The following LAMC3 variants were observed in gnomAD, a reference collection of about 807,000 sequenced individuals.
LAMC3 encodes the protein laminin subunit gamma-3.
LAMC3 carries 128 observed loss-of-function variants against 173.8 expected under a neutral mutation model. That is an observed-to-expected ratio of 0.74 (90% CI 0.64 to 0.85). The LOEUF (loss-of-function observed/expected upper bound fraction) is 0.85. Among genes scored for constraint, LAMC3 ranks in the 40% least tolerant of loss-of-function variants. The probability of loss-of-function intolerance (pLI) is 0.00; values close to 1 mark genes in which losing one functional copy is unlikely to be tolerated. For synonymous variants in LAMC3, 897 were observed against 909.1 expected, an observed-to-expected ratio of 0.99 and a Z score of 0.24; for missense variants, 2,022 against 2,156.0, an observed-to-expected ratio of 0.94 and a Z score of 1.23.
rs150176088 is a variant in LAMC3, at chr9:131,016,348, T to C, written c.373+6761T>C. ...GATGGTGGTGAAGGTTGCACAACAA[T>C]GTGAGCTGTGCAAATGGGTAAGATG... is the stretch of plus-strand genomic sequence containing the variant. On this transcript the variant is annotated intron_variant, in intron 1 of 27. Coordinates refer to ENST00000361069, the MANE Select transcript of LAMC3 (RefSeq NM_006059.4). Among the ~76,000 whole-genome samples the C allele has an allele frequency of 6.7e-4, 102 of 152,242 alleles. 1 individual carries two copies. The highest frequency in any genetic ancestry group is 2.2e-3 in the African/African-American group (91 of 41,544).
intron 24 of LAMC3, among the ~76,000 whole-genome samples, chr9:131,083,836 GACTTTT>G (rs899272535): frequency 3.2e-5 from 4 of 125,260 alleles, no homozygotes; most frequent in Non-Finnish European, 6.9e-5. Flanking sequence ...TTTAAAAATT[GACTTTT>G]ACTTTGTCCA....
chr9:131,012,989 G>A, intron 1 of LAMC3, among the ~76,000 whole-genome samples: 1 of 152,260 alleles, frequency 6.6e-6, no homozygotes, highest in East Asian at 1.9e-4. Flanking sequence ...CACCACCAAG[G>A]CCCAGGGAGG....
chr9:131,060,925 G>T (rs1829795423), intron 12 of LAMC3, 110 bp from the exon 13 acceptor site: 3 of 1,105,152 alleles, frequency 2.7e-6, no homozygotes, highest in Non-Finnish European at 1.4e-6. Flanking sequence ...GCCTGGGAAA[G>T]GTCCCCACCC....
At chr9:131,034,585 C>G (rs1457543184) in intron 3 of LAMC3, among the ~76,000 whole-genome samples, 1 of 152,254 alleles carries the variant, frequency 6.6e-6, no homozygotes, top group African/African-American at 2.4e-5. Flanking sequence ...TCAGCTCCAG[C>G]TCAGCCACTT....
At chr9:131,037,847 A>G (rs1403168138) in intron 4 of LAMC3, among the ~76,000 whole-genome samples, 1 of 152,060 alleles carries the variant, frequency 6.6e-6, no homozygotes, top group African/African-American at 2.4e-5. Flanking sequence ...AAACCTTCCC[A>G]CGGCTCCCCC....
At chr9:131,014,649 G>C (rs1014074396) in intron 1 of LAMC3, among the ~76,000 whole-genome samples, 1 of 152,240 alleles carries the variant, frequency 6.6e-6, no homozygotes, top group African/African-American at 2.4e-5. Flanking sequence ...GCTGGGTAAA[G>C]GTTGGTCAGG....
chr9:131,054,202 A>G (rs1015630977), intron 11 of LAMC3, among the ~76,000 whole-genome samples: 7 of 152,114 alleles, frequency 4.6e-5, no homozygotes, highest in African/African-American at 1.7e-4. Flanking sequence ...GACAACCAAC[A>G]TGTCCTCAGA....
At chr9:131,028,802 A>G (rs1261496241) in intron 2 of LAMC3, among the ~76,000 whole-genome samples, 1 of 152,240 alleles carries the variant, frequency 6.6e-6, no homozygotes, top group Non-Finnish European at 1.5e-5. Flanking sequence ...GAGTACTGCC[A>G]ACTTTGAAGG....
Position 131,069,823 on chromosome 9 carries a change from G to A in LAMC3, c.3042G>A (p.Pro1014=), listed in dbSNP as rs150155891. Residue 1014 remains proline, a synonymous_variant, in exon 17 of 28, where the codon CCG becomes CCA. Transcript: ENST00000361069. ...ACGGCACACACTGCCAGCAATGTCC[G>A]TCCTGCTACGCCCTGGTGAAGGAGG... is the stretch of plus-strand genomic sequence containing the variant. ...TADGTHCQQC[P]SCYALVKEEA... 76 of 1,592,502 alleles carry A rather than the reference G, an allele frequency of 4.8e-5. No individual in the cohort carries two copies. Among genetic ancestry groups the A allele is most frequent in the South Asian group, 4.6e-4 (40 of 87,842 alleles).
At chr9:131,056,519 G>C (rs1486058832) in intron 11 of LAMC3, among the ~76,000 whole-genome samples, 2 of 140,830 alleles carry the variant, frequency 1.4e-5, no homozygotes, top group Non-Finnish European at 3.1e-5. Context: ...AAATCAACCA[G>C]CGCAGTGGCT....
chr9:131,039,265 G>T lies in LAMC3; in HGVS notation c.1283+17G>T. Reference sequence around the variant, plus strand: ...AGGCTGCAGGTGAGGGCGAGGGGCGGCCCAGTATGGACACATTGCACTGAA... The same window carrying T: ...AGGCTGCAGGTGAGGGCGAGGGGCGTCCCAGTATGGACACATTGCACTGAA... On this transcript the variant is annotated intron_variant, in intron 6 of 27. Coordinates refer to ENST00000361069, the MANE Select transcript of LAMC3 (RefSeq NM_006059.4). The T allele has an allele frequency of 1.3e-6, 2 of 1,583,752 alleles. No individual in the cohort carries two copies. Among genetic ancestry groups the T allele is most frequent in the Non-Finnish European group, 1.7e-6 (2 of 1,164,226 alleles).
intron 13 of LAMC3, among the ~76,000 whole-genome samples, chr9:131,064,927 G>A (rs1381342185): frequency 6.7e-6 from 1 of 150,372 alleles, no homozygotes; most frequent in African/African-American, 2.4e-5. Flanking sequence ...TGTAATCCCA[G>A]ATACTCGCGA....
Position 131,092,602 on chromosome 9 carries a change from C to T in LAMC3, c.*815C>T, listed in dbSNP as rs1437304702. 6.6e-6 allele frequency: 1 copy of T among 152,350 alleles called. No individual in the cohort carries two copies. The highest frequency in any genetic ancestry group is 2.4e-5 in the African/African-American group (1 of 41,472). 9.4% of individuals were successfully genotyped at this position (152,350 alleles called of 1,614,324 possible). A position where few individuals can be genotyped will look rare whatever the true frequency, so the allele number is the denominator to read the frequency against. ...AGATGCCCTGAGGGAATGGCCCACC[C>T]TGGCCTGTACCCACTTCAGCCTGTG... On this transcript the variant is annotated 3_prime_UTR_variant, in exon 28 of 28. Coordinates refer to ENST00000361069, the MANE Select transcript of LAMC3 (RefSeq NM_006059.4).
chr9:131,069,759 A>C lies in LAMC3; in HGVS notation c.2978A>C (p.Lys993Thr). Residue 993 changes from lysine (K) to threonine (T), a missense_variant, in exon 17 of 28, where the codon AAA becomes ACA. Physicochemically the swap from Lys to Thr is moderately conservative, Grantham distance 78. Transcript: ENST00000361069. ...CVCRPGFEGY[K>T]CDRCHDNFFL... Reference sequence around the variant, plus strand: ...TGCAGGCCTGGCTTCGAGGGCTACAAATGTGACCGCTGCCACGACAACTTC... The same window carrying C: ...TGCAGGCCTGGCTTCGAGGGCTACACATGTGACCGCTGCCACGACAACTTC... The C allele has an allele frequency of 1.3e-6, 2 of 1,598,378 alleles. No individual in the cohort carries two copies. The highest frequency in any genetic ancestry group is 1.7e-6 in the Non-Finnish European group (2 of 1,173,070).
At chr9:131,082,311 C>T (rs1830255940) in intron 24 of LAMC3, 150 bp downstream of exon 24, 3 of 687,732 alleles carry the variant, frequency 4.4e-6, no homozygotes, top group Non-Finnish European at 8.0e-6. Flanking sequence ...CTCCACCTCT[C>T]AGGATCCTGC....
Position 131,009,450 on chromosome 9 carries a change from C to T in LAMC3, c.236C>T (p.Ala79Val), listed in dbSNP as rs772194826. 2.0e-4 allele frequency: 317 copies of T among 1,547,042 alleles called. No homozygotes were observed. Among genetic ancestry groups the T allele is most frequent in the Non-Finnish European group, 2.6e-4 (294 of 1,146,412 alleles). Residue 79 changes from alanine (A) to valine (V), a missense_variant, in exon 1 of 28, where the codon GCC becomes GTC. Ala to Val is a moderately conservative substitution (Grantham distance 64). Transcript: ENST00000361069. The surrounding 1 kb of genome is among the most constrained non-coding windows in gnomAD (Gnocchi z 4.3). ...GGGGCTCATTGCCAGCGCTGCGACG[C>T]CGCCGACCCCCAGCGCCACCACAAC... Reference protein sequence around the residue: ...GAGAHCQRCDAADPQRHHNAS... With the variant: ...GAGAHCQRCDVADPQRHHNAS...
rs527388604 is a variant in LAMC3, at chr9:131,069,731, G to C, written c.2950G>C (p.Val984Leu). Residue 984 changes from valine (V) to leucine (L), a missense_variant, in exon 17 of 28, where the codon GTG (valine) becomes CTG (leucine). By Grantham distance (32) the Val-to-Leu change is conservative (BLOSUM62 1). Coordinates refer to ENST00000361069, the MANE Select transcript of LAMC3 (RefSeq NM_006059.4). ...CCAGTGCCACGAGAACGGCACATGC[G>C]TGTGCAGGCCTGGCTTCGAGGGCTA... is the stretch of plus-strand genomic sequence containing the variant. ...SAQCHENGTC[V>L]CRPGFEGYKC... 26 of 1,602,486 alleles carry C rather than the reference G, an allele frequency of 1.6e-5. No individual in the cohort carries two copies. The highest frequency in any genetic ancestry group is 2.2e-5 in the Non-Finnish European group (26 of 1,175,442).
intron 1 of LAMC3, among the ~76,000 whole-genome samples, chr9:131,022,432 T>C (rs140042160): frequency 2.5e-3 from 387 of 152,200 alleles, no homozygotes; most frequent in African/African-American, 9.0e-3. Flanking sequence ...ATAGTATATA[T>C]AACAGCTTTA....
intron 18 of LAMC3, among the ~76,000 whole-genome samples, chr9:131,072,338 G>T (rs1439564285): frequency 1.3e-5 from 2 of 152,298 alleles, no homozygotes; most frequent in East Asian, 3.9e-4. Flanking sequence ...TTGTGAATCA[G>T]AGCTGATTTG....
Sources: gnomAD v4.1 joint callset for allele counts (sites outside exome capture counted in the v4.1 genomes callset) on GRCh38, gnomAD v4.1.1 for gene constraint, Gnocchi (gnomAD v3.1) non-coding constraint, MANE v1.5 for transcripts, NCBI Gene and HGNC (gene_info 2026-07-23, HGNC 2026-07-21) for gene names.